The following DSCAML1 variants were observed in gnomAD, a reference collection of about 807,000 sequenced individuals.
The protein encoded by DSCAML1 is DS cell adhesion molecule like 1, also known as cell adhesion molecule DSCAML1.
A neutral mutation model predicts 200.5 loss-of-function variants in DSCAML1; 38 were observed. The ratio of observed to expected loss-of-function variants is 0.19; its 90% CI spans 0.15 to 0.25. The LOEUF (loss-of-function observed/expected upper bound fraction) is 0.25. Ranked by LOEUF, DSCAML1 falls within the 10% of genes least tolerant of loss-of-function variation. The probability of loss-of-function intolerance (pLI) is 1.00; values close to 1 mark genes in which losing one functional copy is unlikely to be tolerated. For missense variants in DSCAML1, 2,223 were observed against 2,858.8 expected (o/e 0.78, Z 5.07); for synonymous variants, 1,215 against 1,165.0 (o/e 1.04, Z -0.87).
intron 3 of DSCAML1, among the ~76,000 whole-genome samples, chr11:117,712,766 G>C (rs1275355983): frequency 6.6e-6 from 1 of 152,028 alleles, no homozygotes; most frequent in Non-Finnish European, 1.5e-5. Flanking sequence ...AGATGGAAAA[G>C]TGACGACCGT....
chr11:117,790,838 A>T (rs1048082310), intron 1 of DSCAML1, among the ~76,000 whole-genome samples: 2 of 152,256 alleles, frequency 1.3e-5, no homozygotes, highest in South Asian at 4.1e-4. Flanking sequence ...TTTTAGGTCC[A>T]TGGATAATGT....
intron 3 of DSCAML1, among the ~76,000 whole-genome samples, chr11:117,582,469 C>A (rs978495870): frequency 6.6e-6 from 1 of 152,174 alleles, no homozygotes; most frequent in African/African-American, 2.4e-5. Flanking sequence ...CTCACAGTAT[C>A]AATAATTGTC....
At chr11:117,521,464 G>A (rs1711861364) in intron 5 of DSCAML1, 59 bp from the exon 6 acceptor site, 5 of 1,559,942 alleles carry the variant, frequency 3.2e-6, no homozygotes, top group Admixed American at 1.8e-5. Flanking sequence ...CAGAAAAAGG[G>A]CTTACTGTGA....
rs538996894 is a variant in DSCAML1 at position 117,665,075 on chromosome 11, C to T, written c.511+111716G>A. ...TCTCAGTGGAAGTCCTATTTCCTGC[C>T]GAAGTCTGTGCTGACAACTCCTGCC... On this transcript the variant is annotated intron_variant, in intron 3 of 32. Transcript: ENST00000651296. Among the ~76,000 whole-genome samples the T allele has an allele frequency of 3.3e-5, 5 of 152,278 alleles. No homozygotes were observed. In the East Asian group the frequency reaches 5.8e-4, roughly 18 times the overall value.
chr11:117,431,437 G>A, intron 31 of DSCAML1, 97 bp downstream of exon 31: 2 of 1,193,802 alleles, frequency 1.7e-6, no homozygotes, highest in Non-Finnish European at 2.3e-6. Flanking sequence ...TGGGCCCCAT[G>A]AGCTGGTGGG....
chr11:117,440,982 T>C (rs553527330), intron 21 of DSCAML1, among the ~76,000 whole-genome samples: 1 of 147,514 alleles, frequency 6.8e-6, no homozygotes, highest in South Asian at 2.2e-4. Flanking sequence ...AGATGCATCC[T>C]GGCTGCTTGC....
At position 117,438,039 on chromosome 11, in the gene DSCAML1, C is replaced by T; in HGVS notation, c.4288G>A (p.Asp1430Asn). 1.2e-6 allele frequency: 2 copies of T among 1,614,070 alleles called. No homozygotes were observed. Among genetic ancestry groups the T allele is most frequent in the Non-Finnish European group, 1.7e-6 (2 of 1,179,988 alleles). ...YSVDNSEEWKDVFISSSERSF... is the reference protein window; with the variant it reads ...YSVDNSEEWKNVFISSSERSF... ...CGCTCGCTGGAGCTGATGAACACAT[C>T]CTTCCACTCCTCGCTGTTGTCCACC... Residue 1430 changes from aspartate to asparagine, a missense_variant, in exon 25 of 33, where the codon GAT (aspartate) becomes AAT (asparagine). Asp to Asn is a conservative substitution (Grantham distance 23). Coordinates refer to ENST00000651296, the MANE Select transcript of DSCAML1 (RefSeq NM_020693.4).
In DSCAML1 at chr11:117,480,019, T is replaced by C. The variant is rs977541322; in HGVS notation, c.2785+424A>G. 6.6e-6 allele frequency among the ~76,000 whole-genome samples: 1 copy of C among 152,114 alleles called. No individual in the cohort carries two copies. The highest frequency in any genetic ancestry group is 2.4e-5 in the African/African-American group (1 of 41,430). ...TCCTATCCCCCACTCATGGGGACCA[T>C]TCTTAGGACCAGCTCTCTGATCTCC... is the stretch of plus-strand genomic sequence containing the variant. On this transcript the variant is annotated intron_variant, in intron 14 of 32. Transcript: ENST00000651296. This position sits in a 1 kb window ranked among gnomAD's most constrained non-coding sequence, Gnocchi z 4.1.
At chr11:117,459,161 C>T (rs1440172269) in intron 18 of DSCAML1, among the ~76,000 whole-genome samples, 2 of 152,258 alleles carry the variant, frequency 1.3e-5, no homozygotes, top group African/African-American at 2.4e-5. Context: ...CCTCAATTGA[C>T]CTTGCACCAA....
intron 3 of DSCAML1, among the ~76,000 whole-genome samples, chr11:117,648,255 T>C (rs2052561969): frequency 6.6e-6 from 1 of 152,194 alleles, no homozygotes; most frequent in African/African-American, 2.4e-5. Context: ...ACTTCCACTC[T>C]GGAAACCCAG....
chr11:117,567,301 G>A (rs947396889), intron 3 of DSCAML1, among the ~76,000 whole-genome samples: 2 of 151,998 alleles, frequency 1.3e-5, no homozygotes, highest in Non-Finnish European at 2.9e-5. Context: ...TCTCATTGTG[G>A]TTTTGATTTG....
chr11:117,476,604 T>C (rs191639163), intron 14 of DSCAML1, among the ~76,000 whole-genome samples: 1 of 152,300 alleles, frequency 6.6e-6, no homozygotes, highest in African/African-American at 2.4e-5. Flanking sequence ...AAAGAACCCA[T>C]CCTTGCTCTG....
At chr11:117,506,678 G>T (rs2049505902) in intron 8 of DSCAML1, among the ~76,000 whole-genome samples, 1 of 150,274 alleles carries the variant, frequency 6.7e-6, no homozygotes, top group Non-Finnish European at 1.5e-5. Context: ...CTCCCAAGTA[G>T]CTGGGAATGC....
At chr11:117,571,888 A>G (rs1053472198) in intron 3 of DSCAML1, among the ~76,000 whole-genome samples, 1 of 152,174 alleles carries the variant, frequency 6.6e-6, no homozygotes, top group Admixed American at 6.5e-5. Flanking sequence ...AAACCCACCA[A>G]AACCAAGATG....
chr11:117,547,152 G>A (rs141463138), intron 3 of DSCAML1, among the ~76,000 whole-genome samples: 2 of 152,076 alleles, frequency 1.3e-5, no homozygotes, highest in Non-Finnish European at 2.9e-5. Flanking sequence ...CTTTATTCCC[G>A]GCCCTCGTCC....
At position 117,493,380 on chromosome 11, in the gene DSCAML1, G is replaced by C. The variant is rs554247740; in HGVS notation, c.2359+10465C>G. Reference sequence around the variant, plus strand: ...TCACCAGGCTGGAGTGCAGTGGCACGATCTTAGCTCACTGCAACCTCCCCC... The same window carrying C: ...TCACCAGGCTGGAGTGCAGTGGCACCATCTTAGCTCACTGCAACCTCCCCC... On this transcript the variant is annotated intron_variant, in intron 11 of 32. Coordinates refer to ENST00000651296, the MANE Select transcript of DSCAML1 (RefSeq NM_020693.4). Among the ~76,000 whole-genome samples the C allele has an allele frequency of 6.7e-5, 10 of 150,372 alleles. No individual in the cohort carries two copies. In the South Asian group the frequency reaches 1.9e-3, roughly 28 times the overall value.
At chr11:117,647,188 C>T (rs2052536955) in intron 3 of DSCAML1, among the ~76,000 whole-genome samples, 1 of 152,210 alleles carries the variant, frequency 6.6e-6, no homozygotes, top group South Asian at 2.1e-4. Context: ...GTCCAAGTGA[C>T]CTCTCAGCAA....
intron 3 of DSCAML1, among the ~76,000 whole-genome samples, chr11:117,550,721 T>C (rs532184037): frequency 6.6e-6 from 1 of 152,362 alleles, no homozygotes; most frequent in Admixed American, 6.5e-5. Context: ...CTTGGAATTC[T>C]GAGCTCATTC....
chr11:117,564,282 A>T (rs1397570811), intron 3 of DSCAML1, among the ~76,000 whole-genome samples: 1 of 152,166 alleles, frequency 6.6e-6, no homozygotes, highest in Non-Finnish European at 1.5e-5. Context: ...GGGCCAACTC[A>T]TTGCCTTCCG....
Sources: gnomAD v4.1 joint callset for allele counts (sites outside exome capture counted in the v4.1 genomes callset) on GRCh38, gnomAD v4.1.1 for gene constraint, Gnocchi (gnomAD v3.1) non-coding constraint, MANE v1.5 for transcripts, NCBI Gene and HGNC (gene_info 2026-07-23, HGNC 2026-07-21) for gene names.